PKP4: variants seen among roughly 807,000 people sequenced by gnomAD.
The protein encoded by PKP4 is plakophilin 4, also known as plakophilin-4.
Under a neutral mutation model 145.1 loss-of-function variants are expected in PKP4, and 90 were observed. That is an observed-to-expected ratio of 0.62 (90% CI 0.52 to 0.74). The LOEUF is 0.74. Ranked by LOEUF, PKP4 falls within the 30% of genes least tolerant of loss-of-function variation. PKP4 has a pLI of 0.00. For missense variants in PKP4, 1,340 were observed against 1,482.7 expected, an observed-to-expected ratio of 0.90 and a Z score of 1.58; for synonymous variants, 563 against 577.2, an observed-to-expected ratio of 0.98 and a Z score of 0.35.
chr2:158,494,845 T>C (rs941550564), intron 1 of PKP4, among the ~76,000 whole-genome samples: 3 of 152,050 alleles, frequency 2.0e-5, no homozygotes, highest in Non-Finnish European at 4.4e-5. Flanking sequence ...TTGCAAAAAC[T>C]TTAATGAGAT....
chr2:158,625,926 A>G (rs2052736379), intron 7 of PKP4, among the ~76,000 whole-genome samples: 1 of 152,168 alleles, frequency 6.6e-6, no homozygotes, highest in African/African-American at 2.4e-5. Flanking sequence ...TTAACGGTAA[A>G]TGCACAAAGC....
chr2:158,568,909 G>C (rs2047207660), intron 2 of PKP4, among the ~76,000 whole-genome samples: 1 of 152,104 alleles, frequency 6.6e-6, no homozygotes, highest in South Asian at 2.1e-4. Flanking sequence ...GGAGGCAGAG[G>C]TTGCAGTGAG....
chr2:158,558,692 GA>G (rs2105729360), intron 2 of PKP4, among the ~76,000 whole-genome samples: 1 of 152,266 alleles, frequency 6.6e-6, no homozygotes, highest in Admixed American at 6.5e-5. Context: ...AGGGAAACAG[GA>G]ACTGTCTGAA....
At chr2:158,679,454 G>A (rs1360105224) in intron 21 of PKP4, 2 of 152,130 alleles carry the variant, frequency 1.3e-5, no homozygotes, top group African/African-American at 4.8e-5. Flanking sequence ...TTTTAGTCAG[G>A]AAAAATAGAC....
chr2:158,460,776 C>T (rs1398137667), intron 1 of PKP4, among the ~76,000 whole-genome samples: 1 of 152,128 alleles, frequency 6.6e-6, no homozygotes, highest in Non-Finnish European at 1.5e-5. Flanking sequence ...GGGAAGTTTG[C>T]CTTCACGCCT....
At chr2:158,649,781 C>T (rs191634779) in intron 11 of PKP4, among the ~76,000 whole-genome samples, 2 of 152,274 alleles carry the variant, frequency 1.3e-5, no homozygotes, top group Admixed American at 6.5e-5. Flanking sequence ...AACATGCTCC[C>T]TCAGTTGACT....
chr2:158,657,702 C>T (rs866802339), intron 11 of PKP4, among the ~76,000 whole-genome samples: 1 of 152,104 alleles, frequency 6.6e-6, no homozygotes, highest in Non-Finnish European at 1.5e-5. Context: ...TTTCCAAGTA[C>T]TAAATTCTAA....
chr2:158,579,753 T>G (rs947773509), intron 3 of PKP4, among the ~76,000 whole-genome samples: 1 of 152,188 alleles, frequency 6.6e-6, no homozygotes, highest in Non-Finnish European at 1.5e-5. Context: ...GATCTACATG[T>G]ATCAACATGG....
intron 13 of PKP4, chr2:158,662,687 A>G (rs2056713553): frequency 7.1e-6 from 3 of 425,142 alleles, no homozygotes; most frequent in South Asian, 1.3e-4. Context: ...AATCCTCAGC[A>G]GGACTGAGAA....
At chr2:158,627,247 G>A (rs1303001781) in intron 7 of PKP4, among the ~76,000 whole-genome samples, 1 of 152,088 alleles carries the variant, frequency 6.6e-6, no homozygotes. Context: ...AAAATAAATA[G>A]TTCTGAGGAC....
At chr2:158,632,029 G>A in intron 8 of PKP4, 88 bp downstream of exon 8, 2 of 1,210,498 alleles carry the variant, frequency 1.7e-6, no homozygotes, top group Non-Finnish European at 2.4e-6. Flanking sequence ...CTGTTAGAAG[G>A]AAATCATGTT....
At position 158,669,978 on chromosome 2, in the gene PKP4, C is replaced by T. The variant is rs909879825; in HGVS notation, c.2924+63C>T. On this transcript the variant is annotated intron_variant, in intron 17 of 21. Transcript: ENST00000389759. ...TTCCTGAGATTGTCCTGTGATGAGG[C>T]CTTTGTTGAGGATACCTTTCCTATT... 3.1e-6 allele frequency: 4 copies of T among 1,290,770 alleles called. No individual in the cohort carries two copies. The Admixed American group carries it at 9.4e-5, about 30-fold the overall frequency. The allele number at this position is 1,290,770 out of a possible 1,614,324, so 80.0% of individuals were successfully genotyped here.
At chr2:158,597,902 A>T (rs1158998296) in intron 3 of PKP4, among the ~76,000 whole-genome samples, 1 of 152,062 alleles carries the variant, frequency 6.6e-6, no homozygotes, top group Non-Finnish European at 1.5e-5. Flanking sequence ...GCTTGCCTTG[A>T]GCCTTGCTCT....
chr2:158,659,580 A>G (rs2056355148), intron 12 of PKP4: 1 of 152,176 alleles, frequency 6.6e-6, no homozygotes, highest in Non-Finnish European at 1.5e-5. Context: ...GGGTTATTGA[A>G]TGGTTACTTT....
chr2:158,582,469 A>G (rs1045615999), intron 3 of PKP4, among the ~76,000 whole-genome samples: 1 of 152,216 alleles, frequency 6.6e-6, no homozygotes, highest in African/African-American at 2.4e-5. Flanking sequence ...CCAAGTTTAA[A>G]CTAGTACACA....
chr2:158,561,136 A>G (rs1574489169), intron 2 of PKP4, among the ~76,000 whole-genome samples: 2 of 152,182 alleles, frequency 1.3e-5, no homozygotes, highest in South Asian at 2.1e-4. Context: ...GTTTCCATAT[A>G]TATTATAAAA....
intron 3 of PKP4, among the ~76,000 whole-genome samples, chr2:158,590,290 T>C (rs1386511560): frequency 6.7e-6 from 1 of 148,910 alleles, no homozygotes; most frequent in East Asian, 2.0e-4. Context: ...AGACTGCTTA[T>C]AATCCAAGGA....
intron 1 of PKP4, among the ~76,000 whole-genome samples, chr2:158,531,112 T>C (rs2043503763): frequency 6.6e-6 from 1 of 152,290 alleles, no homozygotes; most frequent in African/African-American, 2.4e-5. Flanking sequence ...GTCAGCAAGA[T>C]AAATACTGTG....
intron 19 of PKP4, among the ~76,000 whole-genome samples, chr2:158,675,858 T>G (rs1367157874): frequency 6.6e-6 from 1 of 152,184 alleles, no homozygotes; most frequent in Non-Finnish European, 1.5e-5. Context: ...GCAAAACCAC[T>G]GGTGTCAAGG....
Sources: allele counts gnomAD v4.1 joint callset (sites outside exome capture counted in the v4.1 genomes callset), GRCh38; gene constraint gnomAD v4.1.1; transcripts MANE v1.5; gene names NCBI Gene and HGNC (gene_info 2026-07-23, HGNC 2026-07-21).